RPS20: variants seen among roughly 807,000 people sequenced by gnomAD.
The protein encoded by RPS20 is small ribosomal subunit protein uS10.
Under a neutral mutation model 15.3 loss-of-function variants are expected in RPS20, and 3 were observed. The ratio of observed to expected loss-of-function variants is 0.20; its 90% CI spans 0.09 to 0.51. The LOEUF is 0.51. Ranked by LOEUF, RPS20 falls within the 20% of genes least tolerant of loss-of-function variation. RPS20 has a pLI of 0.96. For missense variants in RPS20, 67 were observed against 145.9 expected, an observed-to-expected ratio of 0.46 and a Z score of 2.79; for synonymous variants, 62 against 47.8, an observed-to-expected ratio of 1.30 and a Z score of -1.23.
In RPS20 at chr8:56,074,056, T is replaced by C. The variant is rs1809853336; in HGVS notation, c.103+4A>G. On this transcript the variant is annotated splice_donor_region_variant and intron_variant, in intron 2 of 3. Transcript: ENST00000009589. ...CCTCCCCCCCGCATAACGAATGCAC[T>C]GACCCTTTTCCAAGGATTTTACGTT... 6 of 1,608,850 alleles carry C rather than the reference T, an allele frequency of 3.7e-6. No homozygotes were observed. The highest frequency in any genetic ancestry group is 2.2e-5 in the East Asian group (1 of 44,858).
intron 3 of RPS20, 126 bp downstream of exon 3, chr8:56,073,569 G>C: frequency 1.3e-6 from 1 of 790,632 alleles, no homozygotes; most frequent in Admixed American, 2.0e-5. Flanking sequence ...ATCTACCACC[G>C]ATTTCTATGT....
downstream of RPS20, among the ~76,000 whole-genome samples, chr8:56,070,954 CTATT>C (rs1391714775): frequency 6.6e-6 from 1 of 152,196 alleles, no homozygotes; most frequent in African/African-American, 2.4e-5. Flanking sequence ...ATCATTACCA[CTATT>C]TAATCTATCC....
At chr8:56,068,849 CAG>C (rs112080825), downstream of RPS20, among the ~76,000 whole-genome samples, 31 of 43,942 alleles carry the variant, frequency 7.1e-4, no homozygotes, top group African/African-American at 2.6e-3. Flanking sequence ...TTTTTTGAGA[CAG>C]AGTCTCAGTC....
downstream of RPS20, among the ~76,000 whole-genome samples, chr8:56,070,419 C>T (rs879676442): frequency 1.3e-5 from 2 of 152,152 alleles, no homozygotes; most frequent in South Asian, 2.1e-4. Flanking sequence ...TACACACAGG[C>T]ACTCTACGGA....
At chr8:56,070,870 G>C (rs1029813770), downstream of RPS20, among the ~76,000 whole-genome samples, 1 of 152,104 alleles carries the variant, frequency 6.6e-6, no homozygotes, top group African/African-American at 2.4e-5. Context: ...GCACTGCAGA[G>C]ATATCCTATT....
At chr8:56,071,353 CGTATTGATAG>C (rs1265638285), downstream of RPS20, among the ~76,000 whole-genome samples, 2 of 152,128 alleles carry the variant, frequency 1.3e-5, no homozygotes, top group Admixed American at 1.3e-4. Context: ...CTGGGGGCCA[CGTATTGATAG>C]GTATTCCATT....
At chr8:56,073,592 A>T in intron 3 of RPS20, 103 bp downstream of exon 3, 1 of 892,684 alleles carries the variant, frequency 1.1e-6, no homozygotes, top group Non-Finnish European at 1.9e-6. Context: ...GTTTGTAGAC[A>T]GCATCAGTGT....
At chr8:56,067,832 A>G (rs540188660) in exon 6 of RPS20, 7 of 152,224 alleles carry the variant, frequency 4.6e-5, no homozygotes, top group Non-Finnish European at 8.8e-5. Context: ...ACTCACAGAA[A>G]AAGAAAGTAA....
downstream of RPS20, among the ~76,000 whole-genome samples, chr8:56,072,424 C>T (rs182183704): frequency 7.3e-5 from 11 of 151,002 alleles, no homozygotes; most frequent in African/African-American, 1.5e-4. Context: ...TGGTCGCAGG[C>T]ACTTGTAATC....
intron 3 of RPS20, 143 bp from the exon 4 acceptor site, chr8:56,073,415 G>A: frequency 1.5e-6 from 1 of 686,476 alleles, no homozygotes; most frequent in East Asian, 2.7e-5. Context: ...CAGGTACCAT[G>A]GGTTGAAAAT....
chr8:56,068,805 A>ATT (rs1320901753), downstream of RPS20, among the ~76,000 whole-genome samples: 18 of 41,498 alleles, frequency 4.3e-4, no homozygotes, highest in South Asian at 8.9e-4. Context: ...TGGTGAAAAT[A>ATT]TCTTTTTTTT....
downstream of RPS20, chr8:56,069,631 C>T: frequency 1.9e-6 from 2 of 1,033,288 alleles, no homozygotes; most frequent in Non-Finnish European, 2.9e-6. Context: ...GATAAAATTT[C>T]ATTTGCATCC....
Position 56,073,626 on chromosome 8 carries a change from C to T in RPS20, c.177+69G>A. 6 of 1,369,310 alleles carry T rather than the reference C, an allele frequency of 4.4e-6. No homozygotes were observed. In the South Asian group the frequency reaches 4.6e-5, roughly 11 times the overall value. 84.8% of individuals were successfully genotyped at this position (1,369,310 alleles called of 1,614,324 possible). On this transcript the variant is annotated intron_variant, in intron 3 of 3. Coordinates refer to ENST00000009589, the MANE Select transcript of RPS20 (RefSeq NM_001023.4). ...GTTAACAATTTTGGCAGCCGAACTC[C>T]TTAAAGAACCTGAATTTATGCAACA...
At chr8:56,073,550 G>GTAACC in intron 3 of RPS20, 145 bp downstream of exon 3, 1 of 724,128 alleles carries the variant, frequency 1.4e-6, no homozygotes, top group Non-Finnish European at 2.5e-6. Flanking sequence ...CTACTTACTA[G>GTAACC]GAACCGCAAT....
Position 56,074,007 on chromosome 8 carries a change from CTCGTCGCTTTTCGCCCAAT to C in RPS20, c.103+34_103+52del, listed in dbSNP as rs1809850308. 4.3e-6 allele frequency: 6 copies of C among 1,382,128 alleles called. No individual in the cohort carries two copies. The East Asian group carries it at 1.4e-4, about 32-fold the overall frequency. 85.6% of individuals were successfully genotyped at this position (1,382,128 alleles called of 1,614,324 possible). On this transcript the variant is annotated intron_variant, in intron 2 of 3. Coordinates refer to ENST00000009589, the MANE Select transcript of RPS20 (RefSeq NM_001023.4). ...TCTACACTAACATTAACGAGTAAAG[CTCGTCGCTTTTCGCCCAAT>C]TCCCCCTCCCCCCCGCATAACGAAT...
chr8:56,068,617 T>C (rs1809670043), downstream of RPS20: 4 of 147,632 alleles, frequency 2.7e-5, no homozygotes, highest in Middle Eastern at 3.6e-3. Context: ...ATGCAATCAA[T>C]AGGAGTCCCA....
Position 56,074,456 on chromosome 8 carries a change from G to C in RPS20, c.-73C>G, listed in dbSNP as rs527891622. On this transcript the variant is annotated 5_prime_UTR_variant, in exon 1 of 4. Transcript: ENST00000009589. ...GAACAGCGGTGAGTCAGGAGCAGGA[G>C]CGTGCGGACCAAAAATCCTCAGCCC... 1 of 1,514,978 alleles carries C rather than the reference G, an allele frequency of 6.6e-7. No individual in the cohort carries two copies. The highest frequency in any genetic ancestry group is 8.8e-7 in the Non-Finnish European group (1 of 1,130,976). The allele number at this position is 1,514,978 out of a possible 1,614,324, so 93.8% of individuals were successfully genotyped here. A position where few individuals can be genotyped will look rare whatever the true frequency, so the allele number is the denominator to read the frequency against.
chr8:56,070,301 T>A (rs535137105), downstream of RPS20, among the ~76,000 whole-genome samples: 71 of 152,332 alleles, frequency 4.7e-4, 2 homozygotes, highest in Non-Finnish European at 2.1e-4. Context: ...GTCAAGTAAC[T>A]TGATCGTCTC....
chr8:56,074,192 C>T, intron 1 of RPS20, 33 bp from the exon 2 acceptor site: 2 of 1,582,976 alleles, frequency 1.3e-6, no homozygotes, highest in Non-Finnish European at 1.7e-6. Flanking sequence ...GAACAATAAG[C>T]CAAAAATGGT....
Sources: allele counts gnomAD v4.1 joint callset (sites outside exome capture counted in the v4.1 genomes callset), GRCh38; gene constraint gnomAD v4.1.1; transcripts MANE v1.5; gene names NCBI Gene and HGNC (gene_info 2026-07-23, HGNC 2026-07-21).